KIZ: variants seen among roughly 807,000 people sequenced by gnomAD.
KIZ encodes the protein kizuna centrosomal protein, also known as centrosomal protein kizuna.
A neutral mutation model predicts 79.6 loss-of-function variants in KIZ; 68 were observed. The observed-to-expected ratio is 0.85, with a 90% CI of 0.70 to 1.05. KIZ has a LOEUF of 1.05. KIZ is among the 50% of genes least tolerant of loss of function. The pLI, the probability that KIZ is intolerant of heterozygous loss-of-function variation, is 0.00. For missense variants in KIZ, 797 were observed against 800.4 expected, an observed-to-expected ratio of 1.00 and a Z score of 0.05; for synonymous variants, 280 against 281.8, an observed-to-expected ratio of 0.99 and a Z score of 0.06.
At chr20:21,187,833 TTATGA>T (rs2034950515) in intron 6 of KIZ, among the ~76,000 whole-genome samples, 2 of 152,324 alleles carry the variant, frequency 1.3e-5, no homozygotes, top group African/African-American at 4.8e-5. Context: ...AGTAAATTCT[TTATGA>T]TATGTTTGTA....
At chr20:21,167,876 C>T (rs1027045066) in intron 6 of KIZ, among the ~76,000 whole-genome samples, 20 of 152,038 alleles carry the variant, frequency 1.3e-4, no homozygotes, top group Non-Finnish European at 2.6e-4. Context: ...TATATCAATG[C>T]ATAATGATAT....
chr20:21,211,615 C>G (rs938885019), intron 7 of KIZ, among the ~76,000 whole-genome samples: 1 of 152,134 alleles, frequency 6.6e-6, no homozygotes, highest in Non-Finnish European at 1.5e-5. Flanking sequence ...CCCATTTAGT[C>G]CCAGCATGAG....
At chr20:21,193,995 TAAAGTA>T (rs981166322) in intron 6 of KIZ, 1 of 152,008 alleles carries the variant, frequency 6.6e-6, no homozygotes, top group African/African-American at 2.4e-5. Flanking sequence ...CCCTAAAACT[TAAAGTA>T]TAATAATAAT....
intron 9 of KIZ, among the ~76,000 whole-genome samples, chr20:21,227,809 A>G (rs1427720660): frequency 6.6e-6 from 1 of 152,206 alleles, no homozygotes; most frequent in Non-Finnish European, 1.5e-5. Context: ...TCCCCTCTGT[A>G]TGCACTGTGT....
chr20:21,126,079 C>G, upstream of KIZ: 2 of 1,492,744 alleles, frequency 1.3e-6, no homozygotes, highest in Non-Finnish European at 1.8e-6. Flanking sequence ...CGAACGGCCA[C>G]CCAGAGGCTG....
chr20:21,162,174 C>A lies in KIZ; in HGVS notation c.709C>A (p.Pro237Thr), dbSNP rs893486178. ...ATCTCTTCAGATTGGTGAGAAAATG[C>A]CAGTCACAGCCAGTGTATTGTCTGA... ...KASLQIGEKM[P>T]VTASVLSEEE... Residue 237 changes from proline (P) to threonine (T), a missense_variant, in exon 5 of 13, where the codon CCA (proline) becomes ACA (threonine). Transcript: ENST00000619189. 8.1e-6 allele frequency: 13 copies of A among 1,610,536 alleles called. No individual in the cohort carries two copies. The highest frequency in any genetic ancestry group is 1.6e-4 in the Middle Eastern group (1 of 6,066).
intron 7 of KIZ, among the ~76,000 whole-genome samples, chr20:21,212,603 T>C (rs937405223): frequency 2.6e-5 from 4 of 152,200 alleles, no homozygotes; most frequent in Non-Finnish European, 4.4e-5. Context: ...TGTGGGTTTA[T>C]TGGATGTAAC....
intron 2 of KIZ, among the ~76,000 whole-genome samples, chr20:21,132,708 T>C (rs1257932962): frequency 1.3e-5 from 2 of 152,372 alleles, no homozygotes; most frequent in African/African-American, 4.8e-5. Flanking sequence ...TTATTTTCAT[T>C]ATTTCATATT....
chr20:21,154,659 G>A (rs1214445439), intron 4 of KIZ, among the ~76,000 whole-genome samples: 2 of 152,168 alleles, frequency 1.3e-5, no homozygotes, highest in Non-Finnish European at 2.9e-5. Context: ...GCTGCTTTTG[G>A]CAATAACATC....
intron 6 of KIZ, among the ~76,000 whole-genome samples, chr20:21,204,142 GTC>G (rs1414327653): frequency 3.5e-5 from 4 of 114,332 alleles, no homozygotes; most frequent in East Asian, 2.7e-4. Flanking sequence ...TTGAGACGGA[GTC>G]TCTCTCTGTC....
chr20:21,172,065 T>C (rs2034231659), intron 6 of KIZ, among the ~76,000 whole-genome samples: 1 of 152,218 alleles, frequency 6.6e-6, no homozygotes, highest in Non-Finnish European at 1.5e-5. Flanking sequence ...ACCCAGCCAC[T>C]CCTTGCCTGC....
chr20:21,215,175 A>C (rs376764536), intron 8 of KIZ, among the ~76,000 whole-genome samples: 43 of 152,360 alleles, frequency 2.8e-4, no homozygotes, highest in African/African-American at 1.0e-3. Flanking sequence ...CATTTTGAGC[A>C]CCCAGAAACT....
rs185108895 is a variant in KIZ, at chr20:21,238,105, A to C, written c.1880+5275A>C. On this transcript the variant is annotated intron_variant, in intron 11 of 12. Coordinates refer to ENST00000619189, the MANE Select transcript of KIZ (RefSeq NM_018474.6). ...CTCGGCCTCCCAAAGTGCTGGGATT[A>C]TAGGCGAGCCACCATGCCCAGCGGC... Among the ~76,000 whole-genome samples the C allele has an allele frequency of 5.3e-5, 8 of 152,270 alleles. No individual in the cohort carries two copies. The East Asian group carries it at 9.7e-4, about 18-fold the overall frequency.
At chr20:21,191,516 C>G in intron 6 of KIZ, among the ~76,000 whole-genome samples, 1 of 152,202 alleles carries the variant, frequency 6.6e-6, no homozygotes, top group East Asian at 1.9e-4. Context: ...ACAGCAAAGG[C>G]TTTGGTATTC....
intron 6 of KIZ, among the ~76,000 whole-genome samples, chr20:21,178,773 T>C (rs2034535019): frequency 6.6e-6 from 1 of 152,152 alleles, no homozygotes; most frequent in Admixed American, 6.5e-5. Context: ...GAGAGGTTTT[T>C]ATTGGGAAGG....
Position 21,244,299 on chromosome 20 carries a change from T to C in KIZ, c.1924+11T>C. ...ATTTAAAATCTAATGGTGAGAGAGATAATCGGACACTAGATTTTCTTTTTC... is the reference window on the plus strand; with the variant it reads ...ATTTAAAATCTAATGGTGAGAGAGACAATCGGACACTAGATTTTCTTTTTC... On this transcript the variant is annotated intron_variant, in intron 12 of 12. Coordinates refer to ENST00000619189, the MANE Select transcript of KIZ (RefSeq NM_018474.6). The C allele has an allele frequency of 6.4e-7, 1 of 1,572,930 alleles. No homozygotes were observed. Among genetic ancestry groups the C allele is most frequent in the Non-Finnish European group, 8.7e-7 (1 of 1,144,904 alleles).
intron 4 of KIZ, among the ~76,000 whole-genome samples, chr20:21,155,571 T>C (rs1435291901): frequency 6.6e-6 from 1 of 152,160 alleles, no homozygotes; most frequent in East Asian, 1.9e-4. Context: ...GGGTTTCTTG[T>C]TGGAGTGATG....
intron 6 of KIZ, among the ~76,000 whole-genome samples, chr20:21,170,490 G>A (rs1375973733): frequency 1.3e-5 from 2 of 151,006 alleles, no homozygotes; most frequent in East Asian, 2.0e-4. Context: ...CTGGGTTCAC[G>A]CCATTCTCCT....
At chr20:21,155,412 A>T (rs1371803710) in intron 4 of KIZ, among the ~76,000 whole-genome samples, 2 of 96,484 alleles carry the variant, frequency 2.1e-5, no homozygotes, top group Non-Finnish European at 5.4e-5. Flanking sequence ...GAAAGAAACC[A>T]ATCAAAAAAG....
Sources: allele counts gnomAD v4.1 joint callset (sites outside exome capture counted in the v4.1 genomes callset), GRCh38; gene constraint gnomAD v4.1.1; transcripts MANE v1.5; gene names NCBI Gene and HGNC (gene_info 2026-07-23, HGNC 2026-07-21).